OPCML: variants seen among roughly 807,000 people sequenced by gnomAD.
OPCML encodes opioid binding protein/cell adhesion molecule like.
Under a neutral mutation model 37.8 loss-of-function variants are expected in OPCML, and 13 were observed. The ratio of observed to expected loss-of-function variants is 0.34; its 90% CI spans 0.22 to 0.55. The LOEUF (loss-of-function observed/expected upper bound fraction) is 0.55. Among genes scored for constraint, OPCML ranks in the 20% least tolerant of loss-of-function variants. OPCML has a pLI of 0.91. For missense variants in OPCML, 341 were observed against 435.6 expected (o/e 0.78, Z 1.93); for synonymous variants, 176 against 168.8 (o/e 1.04, Z -0.33).
At chr11:133,091,875 G>T (rs1948912285) in intron 1 of OPCML, among the ~76,000 whole-genome samples, 1 of 151,976 alleles carries the variant, frequency 6.6e-6, no homozygotes, top group South Asian at 2.1e-4. Flanking sequence ...AAGACTTTTG[G>T]GGCTATTGAG....
intron 2 of OPCML, among the ~76,000 whole-genome samples, chr11:132,900,480 G>A (rs1173853836): frequency 6.6e-5 from 10 of 152,100 alleles, no homozygotes; most frequent in Admixed American, 5.9e-4. Context: ...CCACTGATAC[G>A]CATTTCTTCC....
chr11:133,407,513 G>A (rs988718337), intron 1 of OPCML, among the ~76,000 whole-genome samples: 1 of 151,942 alleles, frequency 6.6e-6, no homozygotes, highest in African/African-American at 2.4e-5. Context: ...TCCCCAGCAG[G>A]GTGGAGAGAT....
intron 3 of OPCML, among the ~76,000 whole-genome samples, chr11:132,566,744 T>C (rs778670587): frequency 1.3e-5 from 2 of 152,138 alleles, no homozygotes; most frequent in African/African-American, 2.4e-5. Context: ...ACAAGTGCTA[T>C]AAAAGCACAG....
intron 2 of OPCML, among the ~76,000 whole-genome samples, chr11:132,845,445 C>A (rs1328315631): frequency 2.0e-5 from 3 of 152,190 alleles, no homozygotes; most frequent in African/African-American, 7.2e-5. Context: ...GGAATCATTT[C>A]AAACTCAAAT....
intron 3 of OPCML, among the ~76,000 whole-genome samples, chr11:132,530,611 C>T (rs575251082): frequency 1.7e-4 from 26 of 152,174 alleles, no homozygotes; most frequent in East Asian, 5.8e-4. Context: ...TGGAGTCGAA[C>T]GCCCAAAACC....
chr11:133,031,371 G>GTGGA (rs1176644528), intron 1 of OPCML, among the ~76,000 whole-genome samples: 2 of 134,788 alleles, frequency 1.5e-5, no homozygotes, highest in African/African-American at 2.8e-5. Context: ...GAATGAGTAG[G>GTGGA]TGGATGGATG....
intron 2 of OPCML, among the ~76,000 whole-genome samples, chr11:132,700,331 T>G (rs1429406871): frequency 2.6e-5 from 4 of 152,038 alleles, no homozygotes; most frequent in African/African-American, 7.2e-5. Flanking sequence ...CTGCTAATTT[T>G]GGGCTTTGTT....
chr11:132,747,619 A>C (rs1282855606), intron 2 of OPCML, among the ~76,000 whole-genome samples: 1 of 152,230 alleles, frequency 6.6e-6, no homozygotes, highest in African/African-American at 2.4e-5. Flanking sequence ...CCTCTTCCTC[A>C]GTCCTCAGAC....
intron 1 of OPCML, among the ~76,000 whole-genome samples, chr11:132,952,956 A>G (rs1945893731): frequency 6.6e-6 from 1 of 151,954 alleles, no homozygotes; most frequent in African/African-American, 2.4e-5. Flanking sequence ...ACATGACAAC[A>G]AAAAAACTTT....
intron 1 of OPCML, among the ~76,000 whole-genome samples, chr11:132,946,385 C>G (rs186641838): frequency 6.6e-6 from 1 of 152,136 alleles, no homozygotes; most frequent in East Asian, 1.9e-4. Flanking sequence ...GTAACATAGT[C>G]GTTTATATTG....
At chr11:133,004,111 T>C (rs1947062169) in intron 1 of OPCML, 2 of 985,290 alleles carry the variant, frequency 2.0e-6, no homozygotes, top group Non-Finnish European at 2.4e-6. Flanking sequence ...TGGAAGGAAG[T>C]TGGACACCCA....
chr11:133,332,531 G>T (rs1943643924), intron 1 of OPCML, among the ~76,000 whole-genome samples: 1 of 152,126 alleles, frequency 6.6e-6, no homozygotes, highest in African/African-American at 2.4e-5. Flanking sequence ...GGTTTTCAAG[G>T]GCAATGCTTC....
At chr11:133,530,100 G>T (rs891775347) in intron 1 of OPCML, among the ~76,000 whole-genome samples, 24 of 152,138 alleles carry the variant, frequency 1.6e-4, no homozygotes, top group African/African-American at 5.8e-4. Context: ...GCAGGGGGGT[G>T]GGGGGGATAG....
chr11:133,256,463 A>C (rs1478143018), intron 1 of OPCML, among the ~76,000 whole-genome samples: 3 of 152,222 alleles, frequency 2.0e-5, no homozygotes, highest in Admixed American at 2.0e-4. Flanking sequence ...CATTCATAGT[A>C]AATGTACCAT....
intron 2 of OPCML, among the ~76,000 whole-genome samples, chr11:132,778,612 C>A (rs1946886568): frequency 6.6e-6 from 1 of 152,112 alleles, no homozygotes; most frequent in Admixed American, 6.6e-5. Context: ...CTTGTTGTAT[C>A]TTTTATTTAT....
intron 2 of OPCML, among the ~76,000 whole-genome samples, chr11:132,931,741 C>T (rs111493841): frequency 0.011 from 1,673 of 152,326 alleles, 42 homozygotes; most frequent in African/African-American, 0.038. Flanking sequence ...ACTATGAAAA[C>T]TGCGTGGCGT....
chr11:132,471,380 A>T (rs1006086886), intron 4 of OPCML, among the ~76,000 whole-genome samples: 17 of 152,188 alleles, frequency 1.1e-4, no homozygotes, highest in African/African-American at 4.1e-4. Flanking sequence ...CAGGCTTAGT[A>T]GTTTAAAACA....
intron 4 of OPCML, among the ~76,000 whole-genome samples, chr11:132,503,448 T>A (rs1361623633): frequency 6.6e-6 from 1 of 152,224 alleles, no homozygotes; most frequent in African/African-American, 2.4e-5. Context: ...CTATTGCATT[T>A]GGTGCTTTAC....
At chr11:132,863,763 C>G (rs1351253313) in intron 2 of OPCML, among the ~76,000 whole-genome samples, 2 of 151,738 alleles carry the variant, frequency 1.3e-5, no homozygotes, top group Non-Finnish European at 2.9e-5. Flanking sequence ...CTCCTAGAGG[C>G]CGGGAGGAAT....
Sources: gnomAD v4.1 joint callset for allele counts (sites outside exome capture counted in the v4.1 genomes callset) on GRCh38, gnomAD v4.1.1 for gene constraint, MANE v1.5 for transcripts, NCBI Gene and HGNC (gene_info 2026-07-23, HGNC 2026-07-21) for gene names.